Variants in IQCM observed in about 807,000 individuals in gnomAD.
IQCM encodes the protein IQ domain-containing protein M.
Under a neutral mutation model 57.6 loss-of-function variants are expected in IQCM, and 45 were observed. The ratio of observed to expected loss-of-function variants is 0.78; its 90% CI spans 0.62 to 1.00. The LOEUF (loss-of-function observed/expected upper bound fraction) is 1.00, where lower values mean the gene tolerates loss of function less well. Among genes scored for constraint, IQCM ranks in the 50% least tolerant of loss-of-function variants. The probability of loss-of-function intolerance (pLI) is 0.00; values close to 1 mark genes in which losing one functional copy is unlikely to be tolerated. For synonymous variants in IQCM, 148 were observed against 158.9 expected (o/e 0.93, Z 0.51); for missense variants, 468 against 511.6 (o/e 0.91, Z 0.82).
At chr4:149,353,888 T>C (rs954013772) in intron 13 of IQCM, among the ~76,000 whole-genome samples, 3 of 152,076 alleles carry the variant, frequency 2.0e-5, no homozygotes, top group East Asian at 3.9e-4. Context: ...GGCAATACAA[T>C]TGTACCGTAT....
At chr4:149,631,744 A>G (rs1337396905) in intron 7 of IQCM, among the ~76,000 whole-genome samples, 1 of 152,136 alleles carries the variant, frequency 6.6e-6, no homozygotes, top group Non-Finnish European at 1.5e-5. Context: ...AACCTTAAAT[A>G]CCTGACTCAC....
intron 13 of IQCM, among the ~76,000 whole-genome samples, chr4:149,422,161 T>C (rs996689827): frequency 2.0e-5 from 3 of 152,030 alleles, no homozygotes; most frequent in African/African-American, 7.2e-5. Flanking sequence ...TTACATCTAA[T>C]AAGTATCAGT....
intron 7 of IQCM, among the ~76,000 whole-genome samples, chr4:149,639,499 T>C (rs527894741): frequency 1.3e-5 from 2 of 152,140 alleles, no homozygotes; most frequent in African/African-American, 4.8e-5. Flanking sequence ...TCTTATCTTA[T>C]CTTCTATTAG....
chr4:149,356,906 C>A (rs1729036891), intron 13 of IQCM, among the ~76,000 whole-genome samples: 1 of 152,076 alleles, frequency 6.6e-6, no homozygotes, highest in South Asian at 2.1e-4. Flanking sequence ...TTCTTTGTAT[C>A]CTCTTTTATT....
At chr4:149,802,689 T>C (rs555640494) in intron 2 of IQCM, among the ~76,000 whole-genome samples, 1 of 152,114 alleles carries the variant, frequency 6.6e-6, no homozygotes, top group East Asian at 1.9e-4. Flanking sequence ...GGATGACAAA[T>C]GTATTTGAGA....
chr4:149,432,943 T>C (rs1735007002), intron 13 of IQCM, among the ~76,000 whole-genome samples: 2 of 152,132 alleles, frequency 1.3e-5, no homozygotes, highest in East Asian at 1.9e-4. Flanking sequence ...ATGTATTAGA[T>C]TGGCTAAAAT....
At chr4:149,426,108 A>G (rs1424005009) in intron 13 of IQCM, among the ~76,000 whole-genome samples, 1 of 152,020 alleles carries the variant, frequency 6.6e-6, no homozygotes, top group Non-Finnish European at 1.5e-5. Flanking sequence ...ACAAGTTAGA[A>G]CTAGAACTTG....
intron 7 of IQCM, among the ~76,000 whole-genome samples, chr4:149,626,734 G>A (rs1227124889): frequency 6.6e-6 from 1 of 151,972 alleles, no homozygotes; most frequent in Admixed American, 6.6e-5. Context: ...ATACTATAAT[G>A]ATAAAGGAGA....
intron 9 of IQCM, among the ~76,000 whole-genome samples, chr4:149,581,948 G>A (rs985416599): frequency 1.3e-5 from 2 of 151,482 alleles, no homozygotes; most frequent in African/African-American, 4.8e-5. Context: ...GGGGCAAGGT[G>A]CTTTCTGCCT....
At chr4:149,790,223 A>T (rs761130712) in intron 2 of IQCM, 75 of 304,810 alleles carry the variant, frequency 2.5e-4, no homozygotes, top group Non-Finnish European at 3.7e-4. Flanking sequence ...CTTGCAGAAC[A>T]ATAATGATGC....
At chr4:149,716,348 G>A (rs1418469051) in intron 5 of IQCM, among the ~76,000 whole-genome samples, 1 of 152,198 alleles carries the variant, frequency 6.6e-6, no homozygotes, top group Non-Finnish European at 1.5e-5. Context: ...CCGGGGCTTG[G>A]CCACAACTTT....
intron 7 of IQCM, among the ~76,000 whole-genome samples, chr4:149,656,696 G>A (rs1393650253): frequency 3.9e-5 from 6 of 152,070 alleles, no homozygotes; most frequent in Non-Finnish European, 7.4e-5. Context: ...CTCTGATACT[G>A]AGCAATCCGT....
intron 13 of IQCM, among the ~76,000 whole-genome samples, chr4:149,363,624 G>A (rs1729642076): frequency 6.6e-6 from 1 of 152,022 alleles, no homozygotes; most frequent in South Asian, 2.1e-4. Context: ...AGGAATAATG[G>A]TTTCCTAAAG....
At chr4:149,358,435 G>C (rs938524370) in intron 13 of IQCM, among the ~76,000 whole-genome samples, 5 of 152,068 alleles carry the variant, frequency 3.3e-5, no homozygotes, top group African/African-American at 1.2e-4. Context: ...CATAGATTCT[G>C]GTATGTTGTG....
At chr4:149,400,880 C>CTTTACATA (rs1560805003) in intron 13 of IQCM, among the ~76,000 whole-genome samples, 2 of 151,810 alleles carry the variant, frequency 1.3e-5, no homozygotes, top group Non-Finnish European at 2.9e-5. Context: ...GCTGTATAGA[C>CTTTACATA]TAATTCTTAT....
At chr4:149,611,838 A>G in intron 8 of IQCM, among the ~76,000 whole-genome samples, 1 of 152,012 alleles carries the variant, frequency 6.6e-6, no homozygotes, top group Admixed American at 6.6e-5. Flanking sequence ...AAAAAGTGGA[A>G]CTGGAATGTT....
chr4:149,621,377 T>C (rs1222264737), intron 7 of IQCM, 133 bp from the exon 8 acceptor site: 4 of 406,028 alleles, frequency 9.9e-6, no homozygotes, highest in Non-Finnish European at 1.7e-5. Context: ...AAATCACATC[T>C]TGTCATCTAA....
intron 10 of IQCM, among the ~76,000 whole-genome samples, chr4:149,553,814 G>A (rs570322921): frequency 5.3e-5 from 8 of 152,216 alleles, no homozygotes; most frequent in African/African-American, 1.4e-4. Context: ...TTCAGCGTAT[G>A]TGCAAATTTT....
At chr4:149,794,588 T>G (rs1325684724) in intron 2 of IQCM, among the ~76,000 whole-genome samples, 2 of 152,140 alleles carry the variant, frequency 1.3e-5, no homozygotes, top group Non-Finnish European at 2.9e-5. Flanking sequence ...ACCAGACATT[T>G]GAGGAAAATC....
Sources: gnomAD v4.1 joint callset for allele counts (sites outside exome capture counted in the v4.1 genomes callset) on GRCh38, gnomAD v4.1.1 for gene constraint, MANE v1.5 for transcripts, NCBI Gene and HGNC (gene_info 2026-07-23, HGNC 2026-07-21) for gene names.